Variants in TMEM266 observed in about 807,000 individuals in gnomAD.
TMEM266 encodes transmembrane protein 266, also known as Hv1 related protein 1.
Under a neutral mutation model 50.5 loss-of-function variants are expected in TMEM266, and 33 were observed. The observed-to-expected ratio is 0.65, with a 90% confidence interval of 0.50 to 0.87. The LOEUF (loss-of-function observed/expected upper bound fraction) is 0.87. Ranked by LOEUF, TMEM266 falls within the 40% of genes least tolerant of loss-of-function variation. The probability of loss-of-function intolerance (pLI) is 0.00; values close to 1 mark genes in which losing one functional copy is unlikely to be tolerated. For synonymous variants in TMEM266, 310 were observed against 292.3 expected, an observed-to-expected ratio of 1.06 and a Z score of -0.62; for missense variants, 655 against 695.1, an observed-to-expected ratio of 0.94 and a Z score of 0.65.
intron 8 of TMEM266, among the ~76,000 whole-genome samples, chr15:76,188,529 C>T (rs1168837721): frequency 6.6e-6 from 1 of 152,104 alleles, no homozygotes; most frequent in African/African-American, 2.4e-5. Flanking sequence ...CTTGAACCCA[C>T]GAGACAGAGG....
intron 1 of TMEM266, among the ~76,000 whole-genome samples, chr15:76,071,745 C>A (rs1303428061): frequency 6.6e-6 from 1 of 152,040 alleles, no homozygotes; most frequent in East Asian, 1.9e-4. Flanking sequence ...TCACTGACCC[C>A]AGAAAGCAAG....
At chr15:76,135,469 C>G (rs2037575074) in intron 2 of TMEM266, among the ~76,000 whole-genome samples, 1 of 152,186 alleles carries the variant, frequency 6.6e-6, no homozygotes, top group Non-Finnish European at 1.5e-5. Context: ...AGAGCCATAT[C>G]CTGTTAATTT....
intron 9 of TMEM266, 37 bp downstream of exon 9, chr15:76,192,194 G>A (rs1164637392): frequency 7.2e-6 from 10 of 1,388,878 alleles, no homozygotes; most frequent in Non-Finnish European, 9.3e-6. Flanking sequence ...AGAGTGTCAC[G>A]GCCGGGGATC....
intron 3 of TMEM266, among the ~76,000 whole-genome samples, chr15:76,155,317 C>T (rs563743905): frequency 4.9e-4 from 75 of 152,310 alleles, no homozygotes; most frequent in Non-Finnish European, 9.3e-4. Context: ...TCAGCTCCCC[C>T]ATCTCTGTAT....
chr15:76,138,698 C>T (rs894205618), intron 3 of TMEM266, among the ~76,000 whole-genome samples: 1 of 152,252 alleles, frequency 6.6e-6, no homozygotes, highest in Non-Finnish European at 1.5e-5. Context: ...TTAGGGCTCT[C>T]CCTTTCCAGG....
At chr15:76,189,580 T>A (rs927276957) in intron 8 of TMEM266, among the ~76,000 whole-genome samples, 1 of 151,638 alleles carries the variant, frequency 6.6e-6, no homozygotes, top group Admixed American at 6.6e-5. Flanking sequence ...TCGGAACCCC[T>A]GAGAGTCTGG....
chr15:76,087,583 AGGACCTGGAGTCAT>A (rs1207990444), intron 1 of TMEM266, among the ~76,000 whole-genome samples: 11 of 152,162 alleles, frequency 7.2e-5, no homozygotes, highest in African/African-American at 2.2e-4. Context: ...GCTGGAGATA[AGGACCTGGAGTCAT>A]CAGGAGGTAG....
Position 76,180,607 on chromosome 15 carries a change from C to CTTTTTTTTTTTTTTTTTTTTTTTTTT in TMEM266, c.768+4957_768+4958insTTTTTTTTTTTTTTTTTTTTTTTTTT, listed in dbSNP as rs59287886. Among the ~76,000 whole-genome samples the CTTTTTTTTTTTTTTTTTTTTTTTTTT allele has an allele frequency of 3.2e-5, 2 of 63,170 alleles. 1 individual carries two copies. 41.4% of individuals were successfully genotyped at this position (63,170 alleles called of 152,430 possible). A position where few individuals can be genotyped will look rare whatever the true frequency, so the allele number is the denominator to read the frequency against. On this transcript the variant is annotated intron_variant, in intron 8 of 10. Coordinates refer to ENST00000388942, the MANE Select transcript of TMEM266 (RefSeq NM_152335.3). ...TTACTCTCTGTTTCTTCATCTTAAG[C>CTTTTTTTTTTTTTTTTTTTTTTTTTT]TTTTTTTTTTTTTTTTTTTTTTTTG...
chr15:76,081,188 A>T (rs948904208), intron 1 of TMEM266, among the ~76,000 whole-genome samples: 11 of 152,246 alleles, frequency 7.2e-5, no homozygotes, highest in African/African-American at 2.7e-4. Context: ...TCAAAAGGTC[A>T]CAAGAAGGCA....
chr15:76,130,812 CT>C (rs140944203), intron 1 of TMEM266, among the ~76,000 whole-genome samples: 1,873 of 152,118 alleles, frequency 0.012, 38 homozygotes, highest in African/African-American at 0.043. Flanking sequence ...ATTTTCCTTC[CT>C]AAAAAGTTAA....
At chr15:76,183,037 G>A (rs2038440793) in intron 8 of TMEM266, among the ~76,000 whole-genome samples, 1 of 151,434 alleles carries the variant, frequency 6.6e-6, no homozygotes, top group East Asian at 1.9e-4. Context: ...TTGCAATGGG[G>A]CAGGGTGGAG....
chr15:76,144,467 C>A (rs2037727366), intron 3 of TMEM266, among the ~76,000 whole-genome samples: 1 of 152,154 alleles, frequency 6.6e-6, no homozygotes, highest in Non-Finnish European at 1.5e-5. Context: ...CTGGGAGTGC[C>A]AGTACCAAGT....
intron 9 of TMEM266, among the ~76,000 whole-genome samples, chr15:76,199,426 TGGGCTGAGCCCAGCAA>T (rs2038705283): frequency 2.6e-5 from 4 of 152,226 alleles, no homozygotes; most frequent in Non-Finnish European, 5.9e-5. Flanking sequence ...GCTGACCCTC[TGGGCTGAGCCCAGCAA>T]GCTGATGTTT....
chr15:76,063,761 T>C (rs2036355649), intron 1 of TMEM266, among the ~76,000 whole-genome samples: 1 of 152,220 alleles, frequency 6.6e-6, no homozygotes, highest in Non-Finnish European at 1.5e-5. Flanking sequence ...AATCAACAAA[T>C]CACTATGGTA....
chr15:76,185,222 C>T (rs75699066), intron 8 of TMEM266, among the ~76,000 whole-genome samples: 3,208 of 152,226 alleles, frequency 0.021, 100 homozygotes, highest in African/African-American at 0.073. Flanking sequence ...CTGTCTCATT[C>T]GTCTCCTCTT....
chr15:76,156,537 G>T, intron 3 of TMEM266, 67 bp from the exon 4 acceptor site: 4 of 1,551,760 alleles, frequency 2.6e-6, no homozygotes, highest in Non-Finnish European at 3.5e-6. Context: ...GCAGGGCTTT[G>T]GCCGGGGTCC....
At chr15:76,122,288 G>C (rs2037358343) in intron 1 of TMEM266, among the ~76,000 whole-genome samples, 1 of 152,264 alleles carries the variant, frequency 6.6e-6, no homozygotes, top group African/African-American at 2.4e-5. Context: ...GACAAAGCAA[G>C]TGGATTTGCT....
chr15:76,163,923 G>T (rs142987450), intron 5 of TMEM266, among the ~76,000 whole-genome samples: 2 of 152,170 alleles, frequency 1.3e-5, no homozygotes, highest in South Asian at 4.1e-4. Flanking sequence ...CCCTTTTACA[G>T]TGGACAATTC....
At chr15:76,151,608 C>T (rs1178965663) in intron 3 of TMEM266, among the ~76,000 whole-genome samples, 1 of 152,126 alleles carries the variant, frequency 6.6e-6, no homozygotes, top group African/African-American at 2.4e-5. Flanking sequence ...TGCACTATTT[C>T]CTTGATGCTC....
Sources: gnomAD v4.1 joint callset for allele counts (sites outside exome capture counted in the v4.1 genomes callset) on GRCh38, gnomAD v4.1.1 for gene constraint, MANE v1.5 for transcripts, NCBI Gene and HGNC (gene_info 2026-07-23, HGNC 2026-07-21) for gene names.